The following GRIK2 variants were observed in gnomAD, a reference collection of about 807,000 sequenced individuals.
GRIK2 encodes the protein glutamate receptor ionotropic, kainate 2.
Under a neutral mutation model 100.3 loss-of-function variants are expected in GRIK2, and 32 were observed. The observed-to-expected ratio is 0.32, with a 90% confidence interval of 0.24 to 0.43. The LOEUF is 0.43. GRIK2 is among the 20% of genes least tolerant of loss of function. The probability of loss-of-function intolerance (pLI) is 1.00; values close to 1 mark genes in which losing one functional copy is unlikely to be tolerated. For synonymous variants in GRIK2, 417 were observed against 389.4 expected, an observed-to-expected ratio of 1.07 and a Z score of -0.83; for missense variants, 843 against 1,114.9, an observed-to-expected ratio of 0.76 and a Z score of 3.47.
intron 4 of GRIK2, among the ~76,000 whole-genome samples, chr6:101,665,773 A>T (rs1444230243): frequency 2.0e-5 from 3 of 152,102 alleles, no homozygotes; most frequent in African/African-American, 7.2e-5. Context: ...GGTAGATCTG[A>T]TGGGATTTTC....
At chr6:101,551,789 T>A (rs916405332) in intron 2 of GRIK2, among the ~76,000 whole-genome samples, 4 of 152,186 alleles carry the variant, frequency 2.6e-5, no homozygotes, top group African/African-American at 9.7e-5. Flanking sequence ...TTTGCTCGTT[T>A]TCATTCTTGG....
intron 16 of GRIK2, among the ~76,000 whole-genome samples, chr6:102,061,601 T>C (rs1425554394): frequency 6.6e-6 from 1 of 150,520 alleles, no homozygotes; most frequent in Non-Finnish European, 1.5e-5. Flanking sequence ...AGTTATGGAA[T>C]TAAAAAGACT....
Position 101,998,955 on chromosome 6 carries a change from A to G in GRIK2, c.2086-36386A>G, listed in dbSNP as rs1185727769. ...CAGCTTCCCAAGTAGTTGGGATTAC[A>G]GGCGTGTGCCACCACACCTGGCTAA... On this transcript the variant is annotated intron_variant, in intron 14 of 16. Transcript: ENST00000369134. Among the ~76,000 whole-genome samples the G allele has an allele frequency of 2.0e-5, 3 of 151,402 alleles. No individual in the cohort carries two copies. In the East Asian group the frequency reaches 5.9e-4, roughly 30 times the overall value.
chr6:101,663,408 G>T (rs1769779579), intron 4 of GRIK2, among the ~76,000 whole-genome samples: 1 of 152,152 alleles, frequency 6.6e-6, no homozygotes, highest in South Asian at 2.1e-4. Flanking sequence ...GGAGACAAAA[G>T]TGCCTGTGAA....
rs997350528 is a variant in GRIK2 at position 101,863,864 on chromosome 6, G to A, written c.1524+4371G>A. On this transcript the variant is annotated intron_variant, in intron 11 of 16. Coordinates refer to ENST00000369134, the MANE Select transcript of GRIK2 (RefSeq NM_021956.5). ...GAATGAAGATGTGGATTGGCCGGGC[G>A]CGGTGGCTCACGCCTGTAATCCCAG... Among the ~76,000 whole-genome samples, 3 of 152,252 alleles carry A rather than the reference G, an allele frequency of 2.0e-5. No individual in the cohort carries two copies. In the East Asian group the frequency reaches 5.8e-4, roughly 29 times the overall value.
At chr6:101,934,806 GT>G (rs1179594034) in intron 14 of GRIK2, among the ~76,000 whole-genome samples, 3 of 151,900 alleles carry the variant, frequency 2.0e-5, no homozygotes, top group Non-Finnish European at 4.4e-5. Context: ...CAACGATAGT[GT>G]GCTTTTCACA....
intron 2 of GRIK2, among the ~76,000 whole-genome samples, chr6:101,488,991 T>C (rs1009208024): frequency 2.0e-5 from 3 of 146,576 alleles, no homozygotes; most frequent in Non-Finnish European, 4.5e-5. Flanking sequence ...TCAATTCTGG[T>C]TAAAATAGAT....
intron 10 of GRIK2, among the ~76,000 whole-genome samples, chr6:101,854,061 C>T (rs1027699093): frequency 6.6e-5 from 10 of 151,994 alleles, no homozygotes; most frequent in African/African-American, 2.4e-4. Context: ...CAAGAATGTG[C>T]CCATAAGGTA....
At chr6:101,707,553 T>C (rs1171575708) in intron 7 of GRIK2, among the ~76,000 whole-genome samples, 1 of 118,842 alleles carries the variant, frequency 8.4e-6, no homozygotes, top group Non-Finnish European at 1.6e-5. Flanking sequence ...TGTATATATG[T>C]GTATATATAT....
intron 12 of GRIK2, among the ~76,000 whole-genome samples, chr6:101,908,815 A>G (rs1788429014): frequency 3.3e-5 from 5 of 151,304 alleles, no homozygotes; most frequent in Non-Finnish European, 7.4e-5. Flanking sequence ...CAGACAAACT[A>G]AGGCAAATGA....
At chr6:101,667,284 A>G (rs2128336485) in intron 4 of GRIK2, among the ~76,000 whole-genome samples, 1 of 152,264 alleles carries the variant, frequency 6.6e-6, no homozygotes, top group East Asian at 1.9e-4. Flanking sequence ...CATTTCTGGT[A>G]TGGAAGTTTA....
At chr6:101,773,089 A>C (rs1778506244) in intron 7 of GRIK2, among the ~76,000 whole-genome samples, 1 of 152,196 alleles carries the variant, frequency 6.6e-6, no homozygotes, top group African/African-American at 2.4e-5. Context: ...ATTCAAGAGA[A>C]CTAAGAATGA....
In GRIK2 at chr6:101,543,392, A is replaced by C. The variant is rs187537983; in HGVS notation, c.116-78557A>C. On this transcript the variant is annotated intron_variant, in intron 2 of 16. Coordinates refer to ENST00000369134, the MANE Select transcript of GRIK2 (RefSeq NM_021956.5). ...TGTAAACCTTTCTACAAATAAGCAA[A>C]AGGTGGGCAATAGTTTTGGCCAATG... is the stretch of plus-strand genomic sequence containing the variant. Among the ~76,000 whole-genome samples the C allele has an allele frequency of 2.1e-3, 326 of 152,310 alleles. 1 individual carries two copies. The highest frequency in any genetic ancestry group is 3.9e-3 in the Admixed American group (59 of 15,282).
chr6:101,766,125 A>G (rs1778031095), intron 7 of GRIK2, among the ~76,000 whole-genome samples: 1 of 152,116 alleles, frequency 6.6e-6, no homozygotes. Flanking sequence ...TAAGAAAATG[A>G]TGAACAAAGT....
At chr6:101,735,599 G>A (rs573587973) in intron 7 of GRIK2, among the ~76,000 whole-genome samples, 11 of 151,862 alleles carry the variant, frequency 7.2e-5, no homozygotes, top group African/African-American at 2.7e-4. Flanking sequence ...ATCAGACCTC[G>A]TGAGACTTAT....
intron 14 of GRIK2, among the ~76,000 whole-genome samples, chr6:101,965,599 TCTC>T (rs1252492178): frequency 6.6e-6 from 1 of 152,170 alleles, no homozygotes; most frequent in African/African-American, 2.4e-5. Flanking sequence ...GAAAACATAT[TCTC>T]CTTGCATGTT....
chr6:101,928,383 A>T lies in GRIK2; in HGVS notation c.1868-32A>T, dbSNP rs760230101. ...TCTGATTGCTGATCAAATTCTCTAT[A>T]TTCGTTTCACCTTTCCCCCACTCTC... On this transcript the variant is annotated intron_variant, in intron 13 of 16. Transcript: ENST00000369134. The T allele has an allele frequency of 6.5e-6, 7 of 1,081,332 alleles. No homozygotes were observed. The East Asian group carries it at 1.6e-4, about 25-fold the overall frequency. 67.0% of individuals were successfully genotyped at this position (1,081,332 alleles called of 1,614,324 possible).
chr6:101,612,718 G>A (rs1215836365), intron 2 of GRIK2, among the ~76,000 whole-genome samples: 1 of 77,632 alleles, frequency 1.3e-5, no homozygotes, highest in Non-Finnish European at 2.4e-5. Flanking sequence ...ATGTGTTAAT[G>A]TGTGTGTGTG....
intron 2 of GRIK2, among the ~76,000 whole-genome samples, chr6:101,542,606 T>G (rs1776054238): frequency 1.3e-5 from 2 of 152,090 alleles, no homozygotes; most frequent in Admixed American, 1.3e-4. Flanking sequence ...ATTTAAAATA[T>G]TATGCATTAG....
Sources: gnomAD v4.1 joint callset for allele counts (sites outside exome capture counted in the v4.1 genomes callset) on GRCh38, gnomAD v4.1.1 for gene constraint, MANE v1.5 for transcripts, NCBI Gene and HGNC (gene_info 2026-07-23, HGNC 2026-07-21) for gene names.